The following ROBO2 variants were observed in gnomAD, a reference collection of about 807,000 sequenced individuals.
The protein encoded by ROBO2 is roundabout guidance receptor 2.
ROBO2 carries 53 observed loss-of-function variants against 160.8 expected under a neutral mutation model. That is an observed-to-expected ratio of 0.33 (90% CI 0.26 to 0.41). The LOEUF is 0.41. Ranked by LOEUF, ROBO2 falls within the 10% of genes least tolerant of loss-of-function variation. The pLI, the probability that ROBO2 is intolerant of heterozygous loss-of-function variation, is 1.00. For synonymous variants in ROBO2, 664 were observed against 611.7 expected, an observed-to-expected ratio of 1.09 and a Z score of -1.26; for missense variants, 1,577 against 1,722.4, an observed-to-expected ratio of 0.92 and a Z score of 1.49.
At chr3:77,588,926 T>C (rs1387092680) in exon 17 of ROBO2, 5 of 1,613,298 alleles carry the variant, frequency 3.1e-6, no homozygotes, top group Non-Finnish European at 4.2e-6. Context: ...GACTCAGTAA[T>C]TATGCTGGTA....
chr3:77,611,536 G>A (rs957421087), intron 21 of ROBO2, among the ~76,000 whole-genome samples: 4 of 152,040 alleles, frequency 2.6e-5, no homozygotes, highest in African/African-American at 9.7e-5. Context: ...TCAATGGGTT[G>A]GAGGAAAGGT....
intron 2 of ROBO2, among the ~76,000 whole-genome samples, chr3:76,557,794 T>G (rs1033024900): frequency 1.3e-5 from 2 of 151,868 alleles, no homozygotes; most frequent in African/African-American, 4.8e-5. Context: ...TTGAAAATTC[T>G]TTTCTTACCG....
chr3:76,577,614 G>A (rs1434503719), intron 2 of ROBO2, among the ~76,000 whole-genome samples: 1 of 152,106 alleles, frequency 6.6e-6, no homozygotes, highest in African/African-American at 2.4e-5. Context: ...ACCACAACAT[G>A]AGTAAGTGCT....
At chr3:76,731,208 C>A (rs1049615258) in intron 2 of ROBO2, among the ~76,000 whole-genome samples, 2 of 152,156 alleles carry the variant, frequency 1.3e-5, no homozygotes, top group African/African-American at 4.8e-5. Flanking sequence ...AACATGACAA[C>A]ATTATAATTC....
chr3:77,277,197 T>TTTC, intron 2 of ROBO2, among the ~76,000 whole-genome samples: 1 of 134,344 alleles, frequency 7.4e-6, no homozygotes, highest in Non-Finnish European at 1.6e-5. Flanking sequence ...TCTTTCTTTC[T>TTTC]TTCTTTCTTT....
intron 2 of ROBO2, among the ~76,000 whole-genome samples, chr3:77,225,595 C>T (rs2086390935): frequency 6.6e-6 from 1 of 151,752 alleles, no homozygotes; most frequent in African/African-American, 2.4e-5. Flanking sequence ...TAAATAAGCA[C>T]CTCTGTGGGT....
In ROBO2 at chr3:76,385,562, A is replaced by T. The variant is rs568578950; in HGVS notation, c.109+447960A>T. 2.0e-5 allele frequency among the ~76,000 whole-genome samples: 3 copies of T among 152,336 alleles called. No homozygotes were observed. The South Asian group carries it at 6.2e-4, about 32-fold the overall frequency. On this transcript the variant is annotated intron_variant, in intron 2 of 26. Coordinates refer to the ROBO2 transcript ENST00000487694. ...ATTGTGTGACTTGTATGGAAAGCGT[A>T]CCCGCAAATTAGATATTTGGTTACA...
At chr3:77,167,941 G>A (rs943604661) in intron 2 of ROBO2, among the ~76,000 whole-genome samples, 1 of 152,170 alleles carries the variant, frequency 6.6e-6, no homozygotes, top group African/African-American at 2.4e-5. Context: ...GCAAAAATCT[G>A]AGCTTGTAAA....
chr3:75,907,213 T>C (rs1397739709), intron 1 of ROBO2, among the ~76,000 whole-genome samples: 1 of 152,174 alleles, frequency 6.6e-6, no homozygotes, highest in Non-Finnish European at 1.5e-5. Context: ...AGGCACGCGT[T>C]ATATATGTGT....
intron 2 of ROBO2, among the ~76,000 whole-genome samples, chr3:77,300,474 T>A (rs192921452): frequency 6.6e-6 from 1 of 152,222 alleles, no homozygotes; most frequent in African/African-American, 2.4e-5. Flanking sequence ...ATCTGTTCTT[T>A]TTTTCTAATT....
Position 76,997,481 on chromosome 3 carries a change from G to A in ROBO2, c.110-100533G>A, listed in dbSNP as rs141145231. ...CACTAATTGACAGCATGATCCTTCC[G>A]TATGATGCTAAATTAGAAGAGTTCC... On this transcript the variant is annotated intron_variant, in intron 2 of 26. Transcript: ENST00000487694. 1.5e-4 allele frequency among the ~76,000 whole-genome samples: 23 copies of A among 152,206 alleles called. No individual in the cohort carries two copies. In the East Asian group the frequency reaches 2.5e-3, roughly 17 times the overall value.
At position 77,425,765 on chromosome 3, in the gene ROBO2, G is replaced by A. The variant is rs1004455822; in HGVS notation, c.389-51649G>A. ...CTGCATCCTCCACTCCTGGGTTCAC[G>A]CCATTCTCCTGCCTCAGCTTCTCGA... On this transcript the variant is annotated intron_variant, in intron 2 of 25. Transcript: ENST00000461745. Among the ~76,000 whole-genome samples the A allele has an allele frequency of 2.6e-5, 4 of 151,060 alleles. No individual in the cohort carries two copies. In the East Asian group the frequency reaches 7.8e-4, roughly 29 times the overall value.
At chr3:77,616,933 G>A (rs73845741) in intron 21 of ROBO2, among the ~76,000 whole-genome samples, 17,928 of 152,082 alleles carry the variant, frequency 0.12, 1,641 homozygotes, top group African/African-American at 0.24. Context: ...CTCCTGTTTT[G>A]TGATTTGCAT....
At chr3:77,091,142 A>T (rs1281709355) in intron 1 of ROBO2, among the ~76,000 whole-genome samples, 9 of 152,170 alleles carry the variant, frequency 5.9e-5, no homozygotes, top group Non-Finnish European at 1.5e-5. Flanking sequence ...TGTAAAAGAA[A>T]AATAAAACTT....
chr3:76,333,464 T>C (rs2073643974), intron 2 of ROBO2, among the ~76,000 whole-genome samples: 1 of 152,206 alleles, frequency 6.6e-6, no homozygotes, highest in African/African-American at 2.4e-5. Context: ...GTATGACATA[T>C]TCCAGATAAT....
chr3:76,604,369 T>G (rs112027297), intron 2 of ROBO2, among the ~76,000 whole-genome samples: 465 of 152,276 alleles, frequency 3.1e-3, no homozygotes, highest in Non-Finnish European at 4.2e-3. Flanking sequence ...AATTAATAAA[T>G]CATAACCTTA....
chr3:77,198,746 CA>C, intron 2 of ROBO2, among the ~76,000 whole-genome samples: 1 of 151,934 alleles, frequency 6.6e-6, no homozygotes, highest in East Asian at 1.9e-4. Flanking sequence ...ATTAAAGATA[CA>C]AAAAAATTAG....
intron 2 of ROBO2, among the ~76,000 whole-genome samples, chr3:76,679,282 T>C (rs1387650736): frequency 6.6e-6 from 1 of 152,188 alleles, no homozygotes; most frequent in East Asian, 1.9e-4. Flanking sequence ...AAATTACCTG[T>C]GGCAGATAAA....
chr3:77,165,425 G>A (rs375544239), intron 2 of ROBO2, among the ~76,000 whole-genome samples: 1 of 147,824 alleles, frequency 6.8e-6, no homozygotes, highest in Admixed American at 6.8e-5. Context: ...CAAACACTGC[G>A]GAAGGCCGCA....
Sources: allele counts gnomAD v4.1 joint callset (sites outside exome capture counted in the v4.1 genomes callset), GRCh38; gene constraint gnomAD v4.1.1; transcripts MANE v1.5; gene names NCBI Gene and HGNC (gene_info 2026-07-23, HGNC 2026-07-21).